The following KIF3A variants were observed in gnomAD, a reference collection of about 807,000 sequenced individuals.
KIF3A encodes the protein kinesin family member 3A, also known as kinesin-like protein KIF3A.
A neutral mutation model predicts 92.6 loss-of-function variants in KIF3A; 27 were observed. The ratio of observed to expected loss-of-function variants is 0.29; its 90% confidence interval spans 0.21 to 0.40. The LOEUF (loss-of-function observed/expected upper bound fraction) is 0.40, where lower values mean the gene tolerates loss of function less well. Ranked by LOEUF, KIF3A falls within the 10% of genes least tolerant of loss-of-function variation. The pLI is 1.00. For missense variants in KIF3A, 581 were observed against 872.6 expected, an observed-to-expected ratio of 0.67 and a Z score of 4.21; for synonymous variants, 250 against 275.4, an observed-to-expected ratio of 0.91 and a Z score of 0.92.
chr5:132,704,572 C>T (rs1378807894), intron 11 of KIF3A, among the ~76,000 whole-genome samples: 2 of 151,906 alleles, frequency 1.3e-5, no homozygotes, highest in Non-Finnish European at 2.9e-5. Context: ...ATAAAACTAG[C>T]TTATTAAACT....
chr5:132,716,363 G>T lies in KIF3A; in HGVS notation c.836C>A (p.Thr279Asn). ...CAAGGCAGAAATTACATTACCAAGG[G>T]TGGAAAGTGAAAGATTGATTTTTGT... Reference protein sequence around the residue: ...EATKINLSLSTLGNVISALVD... With the variant: ...EATKINLSLSNLGNVISALVD... Residue 279 changes from threonine to asparagine, a missense_variant, in exon 7 of 19, where the codon ACC (threonine) becomes AAC (asparagine). By Grantham distance (65) the Thr-to-Asn change is moderately conservative. This residue lies in a region of KIF3A where 40 missense variants were observed against 107.0 expected (regional missense o/e 0.37). Coordinates refer to ENST00000403231, the MANE Select transcript of KIF3A (RefSeq NM_001300791.2). The T allele has an allele frequency of 6.2e-7, 1 of 1,613,966 alleles. No homozygotes were observed. The highest frequency in any genetic ancestry group is 8.5e-7 in the Non-Finnish European group (1 of 1,179,884).
In KIF3A at chr5:132,724,792, T is replaced by TAAAA. The variant is rs756540926; in HGVS notation, c.510+1332_510+1335dup. On this transcript the variant is annotated intron_variant, in intron 4 of 18. Coordinates refer to ENST00000403231, the MANE Select transcript of KIF3A (RefSeq NM_001300791.2). ...ATGTACCCTAGAACTTAAAGTATAA[T>TAAAA]AAAAAAAAAAAAAAATATATATATA... 2.3e-3 allele frequency among the ~76,000 whole-genome samples: 145 copies of TAAAA among 64,306 alleles called. 1 individual carries two copies. The highest frequency in any genetic ancestry group is 7.4e-3 in the East Asian group (5 of 680). The allele number at this position is 64,306 out of a possible 152,430, so 42.2% of individuals were successfully genotyped here.
chr5:132,737,249 C>T (rs1035378023), intron 1 of KIF3A, among the ~76,000 whole-genome samples, 165 bp downstream of exon 1: 1 of 152,222 alleles, frequency 6.6e-6, no homozygotes. Flanking sequence ...CCCGCGGCCC[C>T]GGGGCTGACC....
Position 132,692,905 on chromosome 5 carries a change from A to G in KIF3A, c.*3729T>C, listed in dbSNP as rs1380821717. 6.5e-6 allele frequency: 1 copy of G among 152,672 alleles called. No individual in the cohort carries two copies. Among genetic ancestry groups the G allele is most frequent in the African/African-American group, 2.4e-5 (1 of 41,464 alleles). The allele number at this position is 152,672 out of a possible 1,614,324, so 9.5% of individuals were successfully genotyped here. On this transcript the variant is annotated 3_prime_UTR_variant, in exon 19 of 19. Transcript: ENST00000403231. ...TCTAGTATTTTTAAGAACAAAAAAT[A>G]ATTTAAAATAAAACAAATGTATACA... is the stretch of plus-strand genomic sequence containing the variant.
chr5:132,706,204 A>G (rs1271268896), intron 11 of KIF3A, among the ~76,000 whole-genome samples: 1 of 152,090 alleles, frequency 6.6e-6, no homozygotes, highest in African/African-American at 2.4e-5. Context: ...AAAGGAGAAA[A>G]ATGTTTGAAT....
In KIF3A at chr5:132,735,489, T is replaced by G. The variant is rs147301800; in HGVS notation, c.7-1011A>C. Reference sequence around the variant, plus strand: ...TAAATTCCTACTGTTTCAGATTCTCTTCTAAGCATTGAAGAGAAACAAATA... The same window carrying G: ...TAAATTCCTACTGTTTCAGATTCTCGTCTAAGCATTGAAGAGAAACAAATA... On this transcript the variant is annotated intron_variant, in intron 1 of 18. Coordinates refer to ENST00000403231, the MANE Select transcript of KIF3A (RefSeq NM_001300791.2). Among the ~76,000 whole-genome samples the G allele has an allele frequency of 2.0e-5, 3 of 152,370 alleles. No homozygotes were observed. The East Asian group carries it at 5.8e-4, about 29-fold the overall frequency.
At chr5:132,708,800 T>C (rs1753314179) in intron 10 of KIF3A, 107 bp downstream of exon 10, 2 of 668,266 alleles carry the variant, frequency 3.0e-6, no homozygotes, top group South Asian at 4.2e-5. Flanking sequence ...GAATCCAACA[T>C]GTATTCTTTA....
intron 2 of KIF3A, among the ~76,000 whole-genome samples, chr5:132,730,775 C>G (rs1018288525): frequency 2.0e-5 from 3 of 152,028 alleles, no homozygotes; most frequent in African/African-American, 7.2e-5. Context: ...GCCTGGTCGA[C>G]AGAGTGAGAC....
chr5:132,700,318 T>C, intron 16 of KIF3A, 34 bp from the exon 17 acceptor site: 1 of 1,253,696 alleles, frequency 8.0e-7, no homozygotes, highest in Non-Finnish European at 1.1e-6. Context: ...CAGAGAAATG[T>C]CTTAATTAGT....
chr5:132,737,346 A>G (rs1186354649), intron 1 of KIF3A, 68 bp downstream of exon 1: 2 of 1,541,086 alleles, frequency 1.3e-6, no homozygotes, highest in East Asian at 5.2e-5. Flanking sequence ...CTCCATGGCA[A>G]CGGCCGCGCC....
chr5:132,709,204 T>C (rs1169828690), intron 9 of KIF3A, among the ~76,000 whole-genome samples: 1 of 152,222 alleles, frequency 6.6e-6, no homozygotes, highest in East Asian at 1.9e-4. Flanking sequence ...TGTACTGCTT[T>C]AAGCAACTAC....
At position 132,716,590 on chromosome 5, in the gene KIF3A, G is replaced by A. The variant is rs566955416; in HGVS notation, c.757-148C>T. 17 of 780,430 alleles carry A rather than the reference G, an allele frequency of 2.2e-5. No homozygotes were observed. In the East Asian group the frequency reaches 4.3e-4, roughly 20 times the overall value. 48.3% of individuals were successfully genotyped at this position (780,430 alleles called of 1,614,324 possible). ...AAAATAATATAGGAAAGGAAGAAGT[G>A]GGGGAGAGTACATGAAACAAGATTA... On this transcript the variant is annotated intron_variant, in intron 6 of 18. Transcript: ENST00000403231.
intron 17 of KIF3A, 123 bp downstream of exon 17, chr5:132,700,093 C>T (rs1752981050): frequency 4.8e-6 from 3 of 629,768 alleles, no homozygotes; most frequent in Non-Finnish European, 8.2e-6. Flanking sequence ...AAAGTATCAG[C>T]CCATTTTTCA....
intron 10 of KIF3A, among the ~76,000 whole-genome samples, chr5:132,707,578 C>G (rs1407816566): frequency 1.3e-5 from 2 of 152,122 alleles, no homozygotes; most frequent in Admixed American, 6.5e-5. Flanking sequence ...CAAAGTAATA[C>G]CTCTATGTGG....
At chr5:132,724,848 TATATATATTA>T (rs1753982677) in intron 4 of KIF3A, among the ~76,000 whole-genome samples, 1 of 26,062 alleles carries the variant, frequency 3.8e-5, no homozygotes, top group Non-Finnish European at 1.7e-4. Flanking sequence ...TATATATATA[TATATATATTA>T]AAAAATCATT....
At position 132,710,967 on chromosome 5, in the gene KIF3A, T is replaced by G. The variant is rs1162785598; in HGVS notation, c.1220A>C (p.Lys407Thr). The change falls in exon 9 of 19, where the codon AAA becomes ACA. Residue 407 changes from lysine to threonine, a missense_variant. Transcript: ENST00000403231. ...EVGEDGEKRK[K>T]RRGSSSSSSS... The stretch of plus-strand genomic sequence containing the variant: ...TACTAAACAGAACTTACCCCTTCTT[T>G]TTTTCCTTTTCTCTCCATCTTCTCC... 6.2e-7 allele frequency: 1 copy of G among 1,613,654 alleles called. No individual in the cohort carries two copies. The highest frequency in any genetic ancestry group is 8.5e-7 in the Non-Finnish European group (1 of 1,179,782).
Position 132,694,845 on chromosome 5 carries a change from C to T in KIF3A, c.*1789G>A, listed in dbSNP as rs1752780209. The T allele has an allele frequency of 6.6e-6, 1 of 152,240 alleles. No homozygotes were observed. Among genetic ancestry groups the T allele is most frequent in the South Asian group, 2.1e-4 (1 of 4,822 alleles). 9.4% of individuals were successfully genotyped at this position (152,240 alleles called of 1,614,324 possible). Reference sequence around the variant, plus strand: ...TCTTACATACCACAAACAAATGCAGCCAGTGAAATGCAATTCTAATCACCT... The same window carrying T: ...TCTTACATACCACAAACAAATGCAGTCAGTGAAATGCAATTCTAATCACCT... On this transcript the variant is annotated 3_prime_UTR_variant, in exon 19 of 19. Coordinates refer to ENST00000403231, the MANE Select transcript of KIF3A (RefSeq NM_001300791.2).
intron 11 of KIF3A, among the ~76,000 whole-genome samples, chr5:132,704,745 G>T (rs1753151528): frequency 6.6e-6 from 1 of 151,876 alleles, no homozygotes; most frequent in Non-Finnish European, 1.5e-5. Context: ...TACAGAAGAA[G>T]AGTGTAAATC....
chr5:132,711,094 T>C (rs756087325), intron 8 of KIF3A, 37 bp from the exon 9 acceptor site: 10 of 1,591,516 alleles, frequency 6.3e-6, no homozygotes, highest in Admixed American at 1.7e-5. Context: ...TTTTATCCTG[T>C]ACGAAGTCAT....
Sources: allele counts gnomAD v4.1 joint callset (sites outside exome capture counted in the v4.1 genomes callset), GRCh38; gene constraint gnomAD v4.1.1; regional missense constraint gnomAD v4.1.1; transcripts MANE v1.5; gene names NCBI Gene and HGNC (gene_info 2026-07-23, HGNC 2026-07-21).